Variants in TDRD5 observed in about 807,000 individuals in gnomAD.
TDRD5 encodes tudor domain containing 5, also known as tudor domain-containing protein 5.
Under a neutral mutation model 120.6 loss-of-function variants are expected in TDRD5, and 41 were observed. That is an observed-to-expected ratio of 0.34 (90% CI 0.26 to 0.44). TDRD5 has a LOEUF of 0.44. Ranked by LOEUF, TDRD5 falls within the 20% of genes least tolerant of loss-of-function variation. The probability of loss-of-function intolerance (pLI) is 1.00; values close to 1 mark genes in which losing one functional copy is unlikely to be tolerated. For synonymous variants in TDRD5, 430 were observed against 433.7 expected (o/e 0.99, Z 0.11); for missense variants, 1,006 against 1,221.2 (o/e 0.82, Z 2.63).
intron 17 of TDRD5, among the ~76,000 whole-genome samples, chr1:179,685,156 C>G (rs1033805562): frequency 6.6e-6 from 1 of 152,136 alleles, no homozygotes; most frequent in African/African-American, 2.4e-5. Flanking sequence ...AGGTTTTCTT[C>G]TAGGGTTTTT....
intron 13 of TDRD5, among the ~76,000 whole-genome samples, chr1:179,652,781 T>C (rs1027252579): frequency 6.6e-6 from 1 of 152,182 alleles, no homozygotes; most frequent in Non-Finnish European, 1.5e-5. Context: ...ATCTCAAAAT[T>C]TTTGAGTCCT....
chr1:179,597,470 T>G (rs1407940182), intron 4 of TDRD5, among the ~76,000 whole-genome samples: 1 of 151,926 alleles, frequency 6.6e-6, no homozygotes, highest in African/African-American at 2.4e-5. Context: ...TAGCTGGGAT[T>G]ACAGGCGTCA....
rs1337214909 is a variant in TDRD5 at position 179,640,004 on chromosome 1, C to T, written c.1686C>T (p.Asp562=). ...EKQEVEVFYP[D]FGNIGIVQKS... is the part of the protein sequence containing the mutation. ...AGGAAGTTGAAGTGTTCTACCCAGA[C>T]TTTGGAAATATTGGAATTGTTCAGA... is the stretch of plus-strand genomic sequence containing the variant. The change falls in exon 10 of 18, where the codon GAC becomes GAT. Residue 562 remains aspartate (D), a synonymous_variant. Coordinates refer to ENST00000444136, the MANE Select transcript of TDRD5 (RefSeq NM_001199085.3). The T allele has an allele frequency of 1.2e-6, 2 of 1,614,142 alleles. No individual in the cohort carries two copies. Among genetic ancestry groups the T allele is most frequent in the Non-Finnish European group, 1.7e-6 (2 of 1,180,012 alleles).
At chr1:179,606,836 G>A (rs1025815622) in intron 4 of TDRD5, among the ~76,000 whole-genome samples, 12 of 151,986 alleles carry the variant, frequency 7.9e-5, no homozygotes, top group African/African-American at 2.9e-4. Flanking sequence ...ACACTATTTG[G>A]TTACTGTAGC....
At chr1:179,670,624 T>A (rs1314597908) in intron 17 of TDRD5, among the ~76,000 whole-genome samples, 1 of 152,228 alleles carries the variant, frequency 6.6e-6, no homozygotes, top group Non-Finnish European at 1.5e-5. Flanking sequence ...TAGTGGTATA[T>A]TATTGTAGTT....
At chr1:179,669,798 A>G (rs1679761237) in intron 17 of TDRD5, among the ~76,000 whole-genome samples, 1 of 152,178 alleles carries the variant, frequency 6.6e-6, no homozygotes, top group South Asian at 2.1e-4. Context: ...TGCCTCTGGC[A>G]TGTCACTTTC....
At chr1:179,606,918 C>T (rs745720584) in intron 4 of TDRD5, among the ~76,000 whole-genome samples, 4 of 151,986 alleles carry the variant, frequency 2.6e-5, no homozygotes, top group Non-Finnish European at 5.9e-5. Context: ...GTTGGCTATT[C>T]TGGATCTTTT....
At chr1:179,606,821 G>A (rs1191496262) in intron 4 of TDRD5, among the ~76,000 whole-genome samples, 1 of 152,076 alleles carries the variant, frequency 6.6e-6, no homozygotes, top group East Asian at 1.9e-4. Context: ...TCTTTCACCA[G>A]TACCACACTA....
Position 179,647,551 on chromosome 1 carries a change from C to T in TDRD5, c.1801-3316C>T, listed in dbSNP as rs965252604. The stretch of plus-strand genomic sequence containing the variant: ...AGGACATAGGCATGGGCAAGGACTT[C>T]ATGTCTAAAACACCAAAAGCAATGG... On this transcript the variant is annotated intron_variant, in intron 11 of 17. Transcript: ENST00000444136. Among the ~76,000 whole-genome samples, 36 of 151,600 alleles carry T rather than the reference C, an allele frequency of 2.4e-4. No homozygotes were observed. In the East Asian group the frequency reaches 7.0e-3, roughly 29 times the overall value.
At chr1:179,678,557 C>T (rs1028252478) in intron 17 of TDRD5, among the ~76,000 whole-genome samples, 9 of 151,690 alleles carry the variant, frequency 5.9e-5, no homozygotes, top group Non-Finnish European at 7.4e-5. Flanking sequence ...CCATCTTAAT[C>T]GACTATATTT....
intron 17 of TDRD5, among the ~76,000 whole-genome samples, chr1:179,674,661 A>T (rs1680027155): frequency 6.6e-6 from 1 of 152,148 alleles, no homozygotes; most frequent in South Asian, 2.1e-4. Flanking sequence ...CTGTGAATCC[A>T]TCTGGTCCTG....
intron 17 of TDRD5, among the ~76,000 whole-genome samples, chr1:179,670,900 T>G (rs1402802693): frequency 6.6e-6 from 1 of 152,226 alleles, no homozygotes; most frequent in Non-Finnish European, 1.5e-5. Context: ...TTTTTTCTCT[T>G]TACAATTTGA....
chr1:179,681,897 C>G (rs4651046), intron 17 of TDRD5, among the ~76,000 whole-genome samples: 42,033 of 110,410 alleles, frequency 0.38, 7,736 homozygotes, highest in Admixed American at 0.47. Context: ...TCCAAGTGTA[C>G]TAGTCTTGTT....
rs1045158095 is a variant in TDRD5, at chr1:179,662,378, A to G, written c.2505+92A>G. 23 of 1,379,786 alleles carry G rather than the reference A, an allele frequency of 1.7e-5. No individual in the cohort carries two copies. In the East Asian group the frequency reaches 2.6e-4, roughly 16 times the overall value. The allele number at this position is 1,379,786 out of a possible 1,614,324, so 85.5% of individuals were successfully genotyped here. On this transcript the variant is annotated intron_variant, in intron 15 of 17. Coordinates refer to ENST00000444136, the MANE Select transcript of TDRD5 (RefSeq NM_001199085.3). ...CAGTTTGGGAGGCCAAGGTGGGTGG[A>G]TCAGTTGAGCTCAGGAGTTCATGAC...
chr1:179,691,051 T>C lies in TDRD5; in HGVS notation c.*108T>C. 4 of 1,413,822 alleles carry C rather than the reference T, an allele frequency of 2.8e-6. No individual in the cohort carries two copies. The highest frequency in any genetic ancestry group is 3.7e-6 in the Non-Finnish European group (4 of 1,073,532). The allele number at this position is 1,413,822 out of a possible 1,614,324, so 87.6% of individuals were successfully genotyped here. Reference sequence around the variant, plus strand: ...AGCAAAATAGTATCTTGATCATTGATACTTTTGTCTTTCTGTGACTATATG... The same window carrying C: ...AGCAAAATAGTATCTTGATCATTGACACTTTTGTCTTTCTGTGACTATATG... On this transcript the variant is annotated 3_prime_UTR_variant, in exon 18 of 18. Coordinates refer to ENST00000444136, the MANE Select transcript of TDRD5 (RefSeq NM_001199085.3).
intron 17 of TDRD5, among the ~76,000 whole-genome samples, chr1:179,687,459 C>T (rs1680788688): frequency 6.6e-6 from 1 of 152,162 alleles, no homozygotes; most frequent in Admixed American, 6.5e-5. Flanking sequence ...TGCTTTACTT[C>T]CAACTGTGTG....
At chr1:179,681,793 G>A (rs984701014) in intron 17 of TDRD5, among the ~76,000 whole-genome samples, 1 of 149,330 alleles carries the variant, frequency 6.7e-6, no homozygotes, top group Non-Finnish European at 1.5e-5. Flanking sequence ...TACAGGTTTG[G>A]TAGACCATTG....
intron 4 of TDRD5, among the ~76,000 whole-genome samples, chr1:179,598,091 A>G (rs941845023): frequency 1.3e-5 from 2 of 152,242 alleles, no homozygotes; most frequent in African/African-American, 4.8e-5. Flanking sequence ...GCTATATGGT[A>G]TAGCCTATTG....
chr1:179,689,759 C>G (rs1681012713), intron 17 of TDRD5, among the ~76,000 whole-genome samples: 1 of 152,180 alleles, frequency 6.6e-6, no homozygotes, highest in South Asian at 2.1e-4. Flanking sequence ...ATGGCGGGCA[C>G]CCCTCCCCCA....
Sources: allele counts gnomAD v4.1 joint callset (sites outside exome capture counted in the v4.1 genomes callset), GRCh38; gene constraint gnomAD v4.1.1; transcripts MANE v1.5; gene names NCBI Gene and HGNC (gene_info 2026-07-23, HGNC 2026-07-21).